The following MYT1L variants were observed in gnomAD, a reference collection of about 807,000 sequenced individuals.
MYT1L encodes myelin transcription factor 1 like, also known as myelin transcription factor 1-like protein.
Under a neutral mutation model 126.7 loss-of-function variants are expected in MYT1L, and 12 were observed. The ratio of observed to expected loss-of-function variants is 0.09; its 90% confidence interval spans 0.06 to 0.15. MYT1L has a LOEUF of 0.15. MYT1L is among the 10% of genes least tolerant of loss of function. MYT1L has a pLI of 1.00. For missense variants in MYT1L, 979 were observed against 1,585.2 expected, an observed-to-expected ratio of 0.62 and a Z score of 6.49; for synonymous variants, 541 against 604.2, an observed-to-expected ratio of 0.90 and a Z score of 1.53.
intron 1 of MYT1L, among the ~76,000 whole-genome samples, chr2:2,296,256 G>C (rs911682482): frequency 5.3e-5 from 8 of 152,116 alleles, no homozygotes; most frequent in Non-Finnish European, 1.0e-4. Context: ...AGAGGAAAGA[G>C]TGCCTTTTAA....
chr2:1,915,960 G>T (rs2052761851), intron 11 of MYT1L, among the ~76,000 whole-genome samples: 1 of 152,172 alleles, frequency 6.6e-6, no homozygotes, highest in Admixed American at 6.5e-5. Flanking sequence ...GGTGTGAGCT[G>T]CGTCCCAGCA....
intron 2 of MYT1L, among the ~76,000 whole-genome samples, chr2:2,236,211 TCCCAACCCAGCCCAGCACATCCCAA>T (rs2094298290): frequency 7.7e-6 from 1 of 129,164 alleles, no homozygotes. Flanking sequence ...ACCCAGCACA[TCCCAACCCAGCCCAGCACATCCCAA>T]CCCAACCCAG....
chr2:2,124,787 G>A (rs2081475291), intron 3 of MYT1L, among the ~76,000 whole-genome samples: 1 of 152,180 alleles, frequency 6.6e-6, no homozygotes, highest in Admixed American at 6.5e-5. Flanking sequence ...AAAGGCTGAA[G>A]TTGTTTGAAG....
rs116577745 is a variant in MYT1L, at chr2:1,801,913, T to C, written c.3173-114A>G. 1.1e-3 allele frequency: 718 copies of C among 641,098 alleles called. 7 individuals carry two copies. In the African/African-American group the frequency reaches 0.012, roughly 11 times the overall value. 39.7% of individuals were successfully genotyped at this position (641,098 alleles called of 1,614,324 possible). On this transcript the variant is annotated intron_variant, in intron 22 of 24. Transcript: ENST00000647738. This position sits in a 1 kb window ranked among gnomAD's most constrained non-coding sequence, Gnocchi z 4.2. ...TTCGTAATTGAATTTGCTTGGAAAA[T>C]AGACTCTTGAATTAGAAAGGAAAAA...
At chr2:2,230,444 A>G (rs912426930) in intron 2 of MYT1L, among the ~76,000 whole-genome samples, 3 of 152,232 alleles carry the variant, frequency 2.0e-5, no homozygotes, top group East Asian at 1.9e-4. Flanking sequence ...GACCAGCTCA[A>G]TTCAGGATTA....
intron 8 of MYT1L, among the ~76,000 whole-genome samples, chr2:1,974,041 A>G (rs2059998721): frequency 6.6e-6 from 1 of 152,198 alleles, no homozygotes; most frequent in Non-Finnish European, 1.5e-5. Flanking sequence ...ACAATAGCGG[A>G]CGGTACACCG....
chr2:2,295,932 TG>T (rs531811058), intron 1 of MYT1L, among the ~76,000 whole-genome samples: 1 of 103,898 alleles, frequency 9.6e-6, no homozygotes, highest in Non-Finnish European at 1.9e-5. Context: ...AGAGAGAGGT[TG>T]GGGGGGAGGA....
chr2:1,913,198 G>A (rs2052313173), intron 11 of MYT1L, among the ~76,000 whole-genome samples: 2 of 152,196 alleles, frequency 1.3e-5, no homozygotes, highest in East Asian at 1.9e-4. Flanking sequence ...TCCACATGGT[G>A]TTGCTGTTAT....
chr2:2,163,739 G>GAA (rs767761122), intron 3 of MYT1L, among the ~76,000 whole-genome samples: 11 of 117,898 alleles, frequency 9.3e-5, no homozygotes, highest in African/African-American at 3.1e-4. Flanking sequence ...CTCCGTCTCA[G>GAA]AAAAAAAAAA....
At chr2:2,140,921 C>A (rs1296750930) in intron 3 of MYT1L, among the ~76,000 whole-genome samples, 1 of 152,162 alleles carries the variant, frequency 6.6e-6, no homozygotes, top group African/African-American at 2.4e-5. Context: ...TAGGCAATTG[C>A]ATATTGAAAT....
chr2:2,276,267 A>G (rs1319747120), intron 2 of MYT1L, among the ~76,000 whole-genome samples: 1 of 151,880 alleles, frequency 6.6e-6, no homozygotes, highest in African/African-American at 2.4e-5. Context: ...GCCTTGACAC[A>G]TTTCTCAGGG....
chr2:1,828,782 A>G (rs1388231844), intron 21 of MYT1L: 2 of 152,242 alleles, frequency 1.3e-5, no homozygotes, highest in East Asian at 3.8e-4. Flanking sequence ...AATGGACTAG[A>G]GAGGAACCAA....
chr2:2,039,124 C>T (rs76824508), intron 4 of MYT1L, among the ~76,000 whole-genome samples: 1,861 of 152,326 alleles, frequency 0.012, 16 homozygotes, highest in Middle Eastern at 0.031. Context: ...CAGAATCTCA[C>T]GGAGCGCATT....
chr2:2,018,309 T>A (rs2149808135), intron 4 of MYT1L, among the ~76,000 whole-genome samples: 1 of 152,276 alleles, frequency 6.6e-6, no homozygotes, highest in East Asian at 1.9e-4. Flanking sequence ...AAGTTGGCCA[T>A]CTCCTTGGGT....
At chr2:2,014,364 C>T (rs1402674329) in intron 4 of MYT1L, among the ~76,000 whole-genome samples, 1 of 152,164 alleles carries the variant, frequency 6.6e-6, no homozygotes, top group Non-Finnish European at 1.5e-5. Context: ...CACAGCAGCC[C>T]TGTGCTCCAG....
In MYT1L at chr2:1,930,569, C is replaced by T. The variant is rs139481378; in HGVS notation, c.506-7306G>A. Among the ~76,000 whole-genome samples the T allele has an allele frequency of 4.0e-3, 612 of 152,306 alleles. 3 individuals carry two copies. Among genetic ancestry groups the T allele is most frequent in the African/African-American group, 0.014 (585 of 41,556 alleles). On this transcript the variant is annotated intron_variant, in intron 9 of 24. Coordinates refer to ENST00000647738, the MANE Select transcript of MYT1L (RefSeq NM_001303052.2). ...GCACACACGCCTTGCCCAGGTCCTG[C>T]GGGCAGAAGCGTCGGGGCTGCTGGG...
chr2:2,226,335 T>C (rs2094008431), intron 2 of MYT1L, among the ~76,000 whole-genome samples: 2 of 150,922 alleles, frequency 1.3e-5, no homozygotes, highest in African/African-American at 5.0e-5. Context: ...ATATTTGTTC[T>C]ATAATAAAAC....
chr2:1,817,240 G>C (rs2037801282), intron 21 of MYT1L, among the ~76,000 whole-genome samples: 1 of 152,206 alleles, frequency 6.6e-6, no homozygotes, highest in South Asian at 2.1e-4. Flanking sequence ...TAAGTGCATG[G>C]GAGAGAACCA....
intron 4 of MYT1L, among the ~76,000 whole-genome samples, chr2:2,040,288 A>T (rs2067383302): frequency 6.6e-6 from 1 of 152,192 alleles, no homozygotes; most frequent in Non-Finnish European, 1.5e-5. Flanking sequence ...TGCCCAATAC[A>T]TTCTTGTACA....
Sources: gnomAD v4.1 joint callset for allele counts (sites outside exome capture counted in the v4.1 genomes callset) on GRCh38, gnomAD v4.1.1 for gene constraint, Gnocchi (gnomAD v3.1) non-coding constraint, MANE v1.5 for transcripts, NCBI Gene and HGNC (gene_info 2026-07-23, HGNC 2026-07-21) for gene names.